The following CLTRN variants were observed in gnomAD, a reference collection of about 807,000 sequenced individuals.
CLTRN encodes the protein collectrin, amino acid transport regulator.
Under a neutral mutation model 14.5 loss-of-function variants are expected in CLTRN, and 12 were observed. The observed-to-expected ratio is 0.83, with a 90% CI of 0.53 to 1.34. CLTRN has a LOEUF of 1.34. Ranked by LOEUF, CLTRN falls within the 40% of genes most tolerant of loss-of-function variation. CLTRN has a pLI of 0.00. For synonymous variants in CLTRN, 58 were observed against 56.5 expected (o/e 1.03, Z -0.12); for missense variants, 154 against 165.1 (o/e 0.93, Z 0.37).
At chrX:15,664,617 A>C in intron 1 of CLTRN, 101 bp downstream of exon 1, 1 of 846,225 alleles carries the variant, frequency 1.2e-6, no homozygotes, top group Admixed American at 2.6e-5. Flanking sequence ...TCAAGCCACA[A>C]CATGTCTGCA....
At chrX:15,645,798 C>T (rs992537284) in intron 3 of CLTRN, among the ~76,000 whole-genome samples, 6 of 112,455 alleles carry the variant, frequency 5.3e-5, no homozygotes, top group African/African-American at 1.9e-4. Context: ...GGAAAGTCCA[C>T]ATAAAATCAA....
At chrX:15,665,397 A>G (rs776520218), upstream of CLTRN, among the ~76,000 whole-genome samples, 1 of 112,227 alleles carries the variant, frequency 8.9e-6, no homozygotes, top group East Asian at 2.8e-4. Context: ...TATCTGGGTG[A>G]CAAAATAATC....
chrX:15,637,286 T>C (rs1378110126), intron 5 of CLTRN, among the ~76,000 whole-genome samples: 1 of 111,625 alleles, frequency 9.0e-6, no homozygotes, highest in African/African-American at 3.3e-5. Flanking sequence ...ATCTTTTCCA[T>C]GATTAGAAAG....
At position 15,645,006 on chromosome X, in the gene CLTRN, T is replaced by C. The variant is rs774427382; in HGVS notation, c.227A>G (p.Asn76Ser). Reference sequence around the variant, plus strand: ...CCAGAATGATACCCTCTGGGTTACATTGCAAAGTAGGACATGGGAAATTCT... The same window carrying C: ...CCAGAATGATACCCTCTGGGTTACACTGCAAAGTAGGACATGGGAAATTCT... ...ATEISHVLLC[N>S]VTQRVSFWFV... is the part of the protein sequence containing the mutation. Residue 76 changes from asparagine (N) to serine (S), a missense_variant, in exon 4 of 6, where the codon AAT becomes AGT. Transcript: ENST00000380342. 9.2e-6 allele frequency: 11 copies of C among 1,197,908 alleles called. No homozygotes were observed. The highest frequency in any genetic ancestry group is 1.8e-5 in the South Asian group (1 of 54,290).
chrX:15,655,250 TAAGGA>T (rs1361777698), intron 3 of CLTRN, among the ~76,000 whole-genome samples: 1 of 112,189 alleles, frequency 8.9e-6, no homozygotes, highest in African/African-American at 3.2e-5. Flanking sequence ...GTGAGATAGA[TAAGGA>T]AAGGCCAAAT....
chrX:15,649,867 A>G (rs150067457), intron 3 of CLTRN, among the ~76,000 whole-genome samples: 1 of 109,360 alleles, frequency 9.1e-6, no homozygotes, highest in Non-Finnish European at 1.9e-5. Flanking sequence ...AAGGAGAAAT[A>G]GATTCTTAAA....
chrX:15,656,542 T>C (rs1428718292), intron 3 of CLTRN, among the ~76,000 whole-genome samples: 7 of 111,477 alleles, frequency 6.3e-5, no homozygotes, highest in Non-Finnish European at 7.5e-5. Flanking sequence ...AAGGAATATT[T>C]GCCACACTCC....
chrX:15,657,001 A>T (rs764850703), intron 3 of CLTRN, among the ~76,000 whole-genome samples: 6 of 101,455 alleles, frequency 5.9e-5, no homozygotes, highest in African/African-American at 1.8e-4. Context: ...TGTGTACCCA[A>T]TTTTTTTTTT....
At position 15,654,649 on chromosome X, in the gene CLTRN, C is replaced by CA. The variant is rs1290012708; in HGVS notation, c.203+4366dup. Reference sequence around the variant, plus strand: ...TGCTCCTAAAAAAATACAGCAATAGCAAAAAAAGCATTTAATATCAGAAAT... The same window carrying CA: ...TGCTCCTAAAAAAATACAGCAATAGCAAAAAAAAGCATTTAATATCAGAAAT... On this transcript the variant is annotated intron_variant, in intron 3 of 5. Coordinates refer to ENST00000380342, the MANE Select transcript of CLTRN (RefSeq NM_020665.6). Among the ~76,000 whole-genome samples the CA allele has an allele frequency of 7.4e-4, 83 of 112,065 alleles. 1 individual carries two copies. Among genetic ancestry groups the CA allele is most frequent in the Admixed American group, 2.8e-3 (30 of 10,631 alleles).
At chrX:15,672,609 G>A (rs1191122259) in intron 1 of CLTRN, among the ~76,000 whole-genome samples, 1 of 111,156 alleles carries the variant, frequency 9.0e-6, no homozygotes, top group African/African-American at 3.3e-5. Flanking sequence ...CAGAATTTCT[G>A]ATCCTACGTT....
At chrX:15,636,580 T>C in intron 5 of CLTRN, among the ~76,000 whole-genome samples, 1 of 111,878 alleles carries the variant, frequency 8.9e-6, no homozygotes, top group Non-Finnish European at 1.9e-5. Context: ...AACACCTTAA[T>C]AAAATAAAAC....
At chrX:15,646,467 C>A (rs1201741628) in intron 3 of CLTRN, 3 of 253,142 alleles carry the variant, frequency 1.2e-5, no homozygotes, top group Non-Finnish European at 2.3e-5. Flanking sequence ...CACCCACCCC[C>A]CCGCCCGACC....
At chrX:15,639,793 G>A (rs1254896113) in intron 4 of CLTRN, 37 bp from the exon 5 acceptor site, 2 of 1,111,024 alleles carry the variant, frequency 1.8e-6, no homozygotes, top group Admixed American at 2.7e-5. Flanking sequence ...AACAAAATAA[G>A]ACAGAAAAAA....
intron 1 of CLTRN, among the ~76,000 whole-genome samples, chrX:15,671,175 T>C (rs1929712336): frequency 9.0e-6 from 1 of 111,481 alleles, no homozygotes; most frequent in African/African-American, 3.3e-5. Flanking sequence ...TGGCAATAGA[T>C]GCACATACAA....
intron 5 of CLTRN, among the ~76,000 whole-genome samples, chrX:15,630,013 G>C (rs1030406416): frequency 2.7e-5 from 3 of 111,708 alleles, no homozygotes; most frequent in Non-Finnish European, 3.8e-5. Flanking sequence ...ACTCAGCACA[G>C]AGTAGGCATT....
intron 3 of CLTRN, among the ~76,000 whole-genome samples, chrX:15,658,716 AT>A (rs1252272310): frequency 3.2e-5 from 3 of 94,749 alleles, no homozygotes; most frequent in African/African-American, 1.5e-4. Context: ...AAAATTATAT[AT>A]ATATATATAT....
intron 3 of CLTRN, among the ~76,000 whole-genome samples, chrX:15,652,393 A>C (rs1929238094): frequency 9.0e-6 from 1 of 111,052 alleles, no homozygotes; most frequent in Admixed American, 9.5e-5. Flanking sequence ...CAGCGAAACA[A>C]AATTCTAATT....
intron 3 of CLTRN, among the ~76,000 whole-genome samples, chrX:15,657,267 T>G (rs1276020419): frequency 8.9e-6 from 1 of 112,552 alleles, no homozygotes; most frequent in Non-Finnish European, 1.9e-5. Flanking sequence ...CCCAAAGTTT[T>G]GGGATTGGAG....
chrX:15,637,634 G>A (rs1928848149), intron 5 of CLTRN, among the ~76,000 whole-genome samples: 1 of 111,791 alleles, frequency 8.9e-6, no homozygotes, highest in Admixed American at 9.6e-5. Context: ...AATCTGCTCA[G>A]AAGGAAAGAG....
Sources: allele counts gnomAD v4.1 joint callset (sites outside exome capture counted in the v4.1 genomes callset), GRCh38; gene constraint gnomAD v4.1.1; transcripts MANE v1.5; gene names NCBI Gene and HGNC (gene_info 2026-07-23, HGNC 2026-07-21).